HMCN1: variants seen among roughly 807,000 people sequenced by gnomAD.
The protein encoded by HMCN1 is hemicentin-1.
Under a neutral mutation model 625.9 loss-of-function variants are expected in HMCN1, and 321 were observed. That is an observed-to-expected ratio of 0.51 (90% CI 0.47 to 0.56). The LOEUF is 0.56. HMCN1 is among the 20% of genes least tolerant of loss of function. HMCN1 has a pLI of 0.00. For synonymous variants in HMCN1, 2,425 were observed against 2,417.6 expected (o/e 1.00, Z -0.09); for missense variants, 6,588 against 6,887.3 (o/e 0.96, Z 1.54).
intron 11 of HMCN1, among the ~76,000 whole-genome samples, chr1:185,955,474 C>G (rs1649552745): frequency 6.6e-6 from 1 of 152,086 alleles, no homozygotes; most frequent in South Asian, 2.1e-4. Flanking sequence ...TGCATGTTTC[C>G]TTAAATGGGT....
chr1:186,009,646 A>G (rs1653868689), intron 30 of HMCN1, among the ~76,000 whole-genome samples: 1 of 152,186 alleles, frequency 6.6e-6, no homozygotes, highest in African/African-American at 2.4e-5. Flanking sequence ...AAAAGGTATA[A>G]ATGAACATTG....
chr1:186,114,177 A>G, intron 73 of HMCN1, 54 bp downstream of exon 73: 1 of 1,601,740 alleles, frequency 6.2e-7, no homozygotes, highest in Middle Eastern at 1.7e-4. Flanking sequence ...ACAAATTCTT[A>G]ATTTTTTTTC....
intron 4 of HMCN1, among the ~76,000 whole-genome samples, chr1:185,877,321 C>CTTTTTTTTTTTTTTTTTTTTTTTTTT (rs71557837): frequency 2.9e-5 from 1 of 34,908 alleles, no homozygotes; most frequent in Non-Finnish European, 5.3e-5. Context: ...ATGTGTCTTT[C>CTTTTTTTTTTTTTTTTTTTTTTTTTT]TTTTTTTTTT....
At chr1:185,791,729 C>A (rs1004626398) in intron 1 of HMCN1, among the ~76,000 whole-genome samples, 6 of 151,936 alleles carry the variant, frequency 3.9e-5, no homozygotes, top group Middle Eastern at 3.4e-3. Flanking sequence ...CAAAAATAAA[C>A]AAACAAACAA....
At chr1:186,102,160 C>G (rs1437662953) in intron 68 of HMCN1, among the ~76,000 whole-genome samples, 1 of 152,076 alleles carries the variant, frequency 6.6e-6, no homozygotes, top group Non-Finnish European at 1.5e-5. Context: ...CAACATGGAG[C>G]CATTAAAATC....
intron 4 of HMCN1, among the ~76,000 whole-genome samples, chr1:185,885,333 A>G (rs954922538): frequency 5.3e-5 from 8 of 152,006 alleles, no homozygotes; most frequent in African/African-American, 1.9e-4. Flanking sequence ...ATACAGACAT[A>G]AAGACCATGA....
intron 69 of HMCN1, among the ~76,000 whole-genome samples, chr1:186,104,769 C>T (rs1373024492): frequency 5.3e-5 from 8 of 152,154 alleles, no homozygotes; most frequent in Admixed American, 4.6e-4. Context: ...CTAGCATCTT[C>T]GAGTGCATAC....
chr1:186,135,993 A>G (rs896999796), intron 86 of HMCN1, among the ~76,000 whole-genome samples: 8 of 152,152 alleles, frequency 5.3e-5, no homozygotes, highest in Admixed American at 5.2e-4. Flanking sequence ...TGTTTATTGA[A>G]TAAATGATGG....
At chr1:186,172,651 T>C (rs907522497) in intron 102 of HMCN1, among the ~76,000 whole-genome samples, 1 of 152,208 alleles carries the variant, frequency 6.6e-6, no homozygotes, top group Non-Finnish European at 1.5e-5. Context: ...CCTACATTTG[T>C]TCTGTGTATG....
chr1:186,125,674 C>T lies in HMCN1; in HGVS notation c.12570C>T (p.Cys4190=), dbSNP rs375085364. 2.1e-5 allele frequency: 34 copies of T among 1,612,174 alleles called. No individual in the cohort carries two copies. Among genetic ancestry groups the T allele is most frequent in the Non-Finnish European group, 2.7e-5 (32 of 1,178,534 alleles). Residue 4190 remains cysteine, a synonymous_variant, in exon 82 of 107, where the codon TGC becomes TGT. Coordinates refer to ENST00000271588, the MANE Select transcript of HMCN1 (RefSeq NM_031935.3). The part of the protein sequence containing the change: ...VNENSQAILP[C]VADGIPTPAI... Reference sequence around the variant, plus strand: ...AGAATTCACAAGCCATTCTTCCATGCGTAGCTGATGGAATCCCCACACCAG... The same window carrying T: ...AGAATTCACAAGCCATTCTTCCATGTGTAGCTGATGGAATCCCCACACCAG...
rs147897960 is a variant in HMCN1 at position 185,814,224 on chromosome 1, C to G, written c.269-31802C>G. 2.4e-4 allele frequency among the ~76,000 whole-genome samples: 36 copies of G among 152,262 alleles called. No individual in the cohort carries two copies. In the East Asian group the frequency reaches 6.4e-3, roughly 27 times the overall value. ...TAAAACAATAGTTGTACAGGCCACT[C>G]TTTTGAAGCAATTGCTGATGGACAA... On this transcript the variant is annotated intron_variant, in intron 1 of 106. Transcript: ENST00000271588.
intron 1 of HMCN1, among the ~76,000 whole-genome samples, chr1:185,787,902 G>C (rs1657735009): frequency 6.6e-6 from 1 of 152,160 alleles, no homozygotes; most frequent in South Asian, 2.1e-4. Flanking sequence ...TCAGGTAGGT[G>C]ATAGCTATAA....
chr1:185,835,265 G>T (rs187660794), intron 1 of HMCN1, among the ~76,000 whole-genome samples: 1 of 152,220 alleles, frequency 6.6e-6, no homozygotes, highest in South Asian at 2.1e-4. Context: ...TGTGCTATCA[G>T]TTGGTATGGG....
chr1:186,003,172 A>T (rs772952900), intron 28 of HMCN1, among the ~76,000 whole-genome samples: 1 of 152,092 alleles, frequency 6.6e-6, no homozygotes, highest in Non-Finnish European at 1.5e-5. Context: ...GTGAAAGGGG[A>T]CGACTAGACA....
intron 25 of HMCN1, 97 bp downstream of exon 25, chr1:185,997,621 C>A: frequency 1.2e-6 from 1 of 841,604 alleles, no homozygotes; most frequent in Non-Finnish European, 2.0e-6. Context: ...AATTCCACAT[C>A]AATCCTTGGT....
chr1:185,900,604 T>C (rs1009003446), intron 4 of HMCN1, among the ~76,000 whole-genome samples: 1 of 151,948 alleles, frequency 6.6e-6, no homozygotes, highest in Non-Finnish European at 1.5e-5. Context: ...TCATGGAACA[T>C]CTGAAATGAT....
Position 186,056,929 on chromosome 1 carries a change from C to T in HMCN1, c.7145-305C>T, listed in dbSNP as rs773352275. ...GAAATTGCAATTAAAAAAAAGGGGG[C>T]GAGTGACTCATACAACATCACTCAC... On this transcript the variant is annotated intron_variant, in intron 45 of 106. Coordinates refer to ENST00000271588, the MANE Select transcript of HMCN1 (RefSeq NM_031935.3). Among the ~76,000 whole-genome samples, 15 of 151,274 alleles carry T rather than the reference C, an allele frequency of 9.9e-5. No homozygotes were observed. In the South Asian group the frequency reaches 2.1e-3, roughly 21 times the overall value.
chr1:185,811,756 A>T (rs2102247037), intron 1 of HMCN1, among the ~76,000 whole-genome samples: 1 of 152,166 alleles, frequency 6.6e-6, no homozygotes, highest in South Asian at 2.1e-4. Flanking sequence ...ATATGTATAT[A>T]CATAGGCATG....
At chr1:186,087,352 A>G in intron 59 of HMCN1, 22 bp downstream of exon 59, 2 of 1,603,822 alleles carry the variant, frequency 1.2e-6, no homozygotes, top group Non-Finnish European at 1.7e-6. Context: ...CTCTCTTCAT[A>G]AAATTCTTTT....
Sources: gnomAD v4.1 joint callset for allele counts (sites outside exome capture counted in the v4.1 genomes callset) on GRCh38, gnomAD v4.1.1 for gene constraint, MANE v1.5 for transcripts, NCBI Gene and HGNC (gene_info 2026-07-23, HGNC 2026-07-21) for gene names.